Variants in MTA3 observed in about 807,000 individuals in gnomAD.
The protein encoded by MTA3 is metastasis associated 1 family member 3.
A neutral mutation model predicts 83.5 loss-of-function variants in MTA3; 34 were observed. That is an observed-to-expected ratio of 0.41 (90% CI 0.31 to 0.54). The LOEUF is 0.54. Ranked by LOEUF, MTA3 falls within the 20% of genes least tolerant of loss-of-function variation. The pLI is 0.33. For synonymous variants in MTA3, 303 were observed against 252.7 expected (o/e 1.20, Z -1.89); for missense variants, 761 against 726.4 (o/e 1.05, Z -0.55).
intron 3 of MTA3, among the ~76,000 whole-genome samples, chr2:42,590,649 C>G (rs183938395): frequency 1.0e-4 from 13 of 127,748 alleles, no homozygotes; most frequent in African/African-American, 3.7e-4. Flanking sequence ...TGGAGTCTCG[C>G]TCGCTCTGTC....
chr2:42,675,507 A>G (rs1691261232), intron 8 of MTA3, among the ~76,000 whole-genome samples: 1 of 152,162 alleles, frequency 6.6e-6, no homozygotes, highest in Admixed American at 6.5e-5. Flanking sequence ...ACAGTTTGTT[A>G]CACAGCTTAA....
intron 15 of MTA3, among the ~76,000 whole-genome samples, chr2:42,721,505 T>G (rs1229061419): frequency 6.6e-6 from 1 of 151,928 alleles, no homozygotes; most frequent in African/African-American, 2.4e-5. Context: ...TTTTTAAAAA[T>G]TTTTGTAGAG....
chr2:42,600,967 C>T (rs551787983), intron 3 of MTA3, among the ~76,000 whole-genome samples: 2 of 151,084 alleles, frequency 1.3e-5, no homozygotes, highest in Non-Finnish European at 3.0e-5. Flanking sequence ...AGTGCAGTAG[C>T]GTGTTCTTGG....
chr2:42,715,800 T>C (rs1666984909), intron 14 of MTA3, among the ~76,000 whole-genome samples: 1 of 152,202 alleles, frequency 6.6e-6, no homozygotes, highest in Non-Finnish European at 1.5e-5. Context: ...CAGTTTTCCT[T>C]TGGGTCATCT....
intron 1 of MTA3, 114 bp from the exon 2 acceptor site, chr2:42,570,323 G>C: frequency 1.8e-6 from 1 of 562,314 alleles, no homozygotes; most frequent in Non-Finnish European, 3.1e-6. Context: ...TTTTACCAGT[G>C]AATGAATTAT....
intron 8 of MTA3, among the ~76,000 whole-genome samples, chr2:42,669,558 A>G (rs1006654313): frequency 1.3e-5 from 2 of 152,204 alleles, no homozygotes; most frequent in African/African-American, 4.8e-5. Flanking sequence ...GTACTAATGG[A>G]CTAGCACTGC....
At position 42,633,868 on chromosome 2, in the gene MTA3, G is replaced by A. The variant is rs571259242; in HGVS notation, c.318-6305G>A. 2.3e-4 allele frequency among the ~76,000 whole-genome samples: 35 copies of A among 150,490 alleles called. No individual in the cohort carries two copies. In the South Asian group the frequency reaches 7.1e-3, roughly 31 times the overall value. On this transcript the variant is annotated intron_variant, in intron 4 of 16. Coordinates refer to ENST00000405094, the MANE Select transcript of MTA3 (RefSeq NM_001330442.2). ...CGCGCCACTGCACTCCAACCTGGGC[G>A]ACAGAGCGAGACTCTGTCTCAAAAA...
At chr2:42,568,530 G>C (rs1300590156), upstream of MTA3, 2 of 264,350 alleles carry the variant, frequency 7.6e-6, no homozygotes, top group African/African-American at 2.3e-5. Flanking sequence ...ACTCGGCCTT[G>C]CTAGCCTGGC....
intron 2 of MTA3, among the ~76,000 whole-genome samples, chr2:42,551,176 T>G (rs1016626756): frequency 5.3e-5 from 8 of 152,014 alleles, no homozygotes; most frequent in African/African-American, 1.9e-4. Flanking sequence ...AGTGAATATT[T>G]CTTTTTTTTT....
chr2:42,754,995 G>A lies in MTA3; in HGVS notation c.*1596G>A. 1.0e-6 allele frequency: 1 copy of A among 985,674 alleles called. No homozygotes were observed. Among genetic ancestry groups the A allele is most frequent in the Non-Finnish European group, 1.2e-6 (1 of 830,146 alleles). 61.1% of individuals were successfully genotyped at this position (985,674 alleles called of 1,614,324 possible). A position where few individuals can be genotyped will look rare whatever the true frequency, so the allele number is the denominator to read the frequency against. On this transcript the variant is annotated 3_prime_UTR_variant, in exon 17 of 17. Coordinates refer to ENST00000405094, the MANE Select transcript of MTA3 (RefSeq NM_001330442.2). ...TCCACCACCACCCACTCTTGGAGCT[G>A]TGCTGGGTCTTGGCTTGGGGCGCTG...
chr2:42,697,331 C>T (rs1199802652), intron 10 of MTA3, among the ~76,000 whole-genome samples: 1 of 152,122 alleles, frequency 6.6e-6, no homozygotes, highest in African/African-American at 2.4e-5. Flanking sequence ...CACAGTCACT[C>T]CTCTTGCCTG....
At chr2:42,734,211 A>C (rs1201295711) in intron 16 of MTA3, among the ~76,000 whole-genome samples, 2 of 152,108 alleles carry the variant, frequency 1.3e-5, no homozygotes, top group East Asian at 3.9e-4. Flanking sequence ...TGGGTGCTCC[A>C]GTGCTTGGTG....
chr2:42,580,122 C>G (rs549256914), intron 3 of MTA3, among the ~76,000 whole-genome samples: 14 of 151,956 alleles, frequency 9.2e-5, no homozygotes, highest in Admixed American at 7.2e-4. Flanking sequence ...TTTAAAAAAG[C>G]GTGTTACAGA....
chr2:42,548,836 AT>A (rs1676901928), intron 2 of MTA3, among the ~76,000 whole-genome samples: 1 of 15,656 alleles, frequency 6.4e-5, no homozygotes, highest in Non-Finnish European at 1.3e-4. Context: ...TATAATATAT[AT>A]ATATATATAA....
At chr2:42,734,605 GTTA>G (rs1454268111) in intron 16 of MTA3, among the ~76,000 whole-genome samples, 3 of 148,536 alleles carry the variant, frequency 2.0e-5, no homozygotes, top group African/African-American at 7.4e-5. Flanking sequence ...TTGTTTTCTC[GTTA>G]TTTTGTGGTC....
intron 10 of MTA3, among the ~76,000 whole-genome samples, chr2:42,697,193 C>A (rs1172669245): frequency 6.6e-6 from 1 of 151,948 alleles, no homozygotes; most frequent in Non-Finnish European, 1.5e-5. Context: ...CCTTCCCCTT[C>A]CTTTCCCTAC....
chr2:42,683,588 CCT>C (rs1392495795), intron 9 of MTA3, among the ~76,000 whole-genome samples: 1 of 152,138 alleles, frequency 6.6e-6, no homozygotes, highest in East Asian at 1.9e-4. Context: ...ATCAGTGAGA[CCT>C]CTGAGCTTGT....
At chr2:42,557,392 C>T (rs946873086) in intron 2 of MTA3, among the ~76,000 whole-genome samples, 7 of 152,054 alleles carry the variant, frequency 4.6e-5, no homozygotes, top group African/African-American at 1.7e-4. Context: ...TCAGGGCTTC[C>T]AGAAGACGTA....
chr2:42,616,421 CTTTTT>C (rs111768597), intron 4 of MTA3, among the ~76,000 whole-genome samples: 1 of 139,160 alleles, frequency 7.2e-6, no homozygotes, highest in Non-Finnish European at 1.5e-5. Flanking sequence ...GATCTCTTGT[CTTTTT>C]TTTTTTTTTT....
Sources: allele counts gnomAD v4.1 joint callset (sites outside exome capture counted in the v4.1 genomes callset), GRCh38; gene constraint gnomAD v4.1.1; transcripts MANE v1.5; gene names NCBI Gene and HGNC (gene_info 2026-07-23, HGNC 2026-07-21).